Variants in ARID5B observed in about 807,000 individuals in gnomAD.
ARID5B encodes the protein AT-rich interaction domain 5B.
In ARID5B, 13 loss-of-function variants were observed where a neutral mutation model predicts 97.2. The ratio of observed to expected loss-of-function variants is 0.13; its 90% CI spans 0.09 to 0.21. The LOEUF (loss-of-function observed/expected upper bound fraction) is 0.21, where lower values mean the gene tolerates loss of function less well. ARID5B is among the 10% of genes least tolerant of loss of function. The pLI is 1.00. For missense variants in ARID5B, 1,210 were observed against 1,465.3 expected, an observed-to-expected ratio of 0.83 and a Z score of 2.84; for synonymous variants, 556 against 570.3, an observed-to-expected ratio of 0.97 and a Z score of 0.36.
chr10:62,008,552 A>T lies in ARID5B; in HGVS notation c.733+8231A>T, dbSNP rs553160972. ...AGGAAAGGAATAATCACAAGCATTCAAAATCTGAAACCCACTGGACTGGAA... is the reference window on the plus strand; with the variant it reads ...AGGAAAGGAATAATCACAAGCATTCTAAATCTGAAACCCACTGGACTGGAA... On this transcript the variant is annotated intron_variant, in intron 4 of 9. Transcript: ENST00000279873. 5.9e-5 allele frequency among the ~76,000 whole-genome samples: 9 copies of T among 152,370 alleles called. No homozygotes were observed. In the East Asian group the frequency reaches 1.7e-3, roughly 29 times the overall value.
chr10:62,036,517 A>C (rs1839566304), intron 4 of ARID5B, among the ~76,000 whole-genome samples: 1 of 152,196 alleles, frequency 6.6e-6, no homozygotes, highest in South Asian at 2.1e-4. Flanking sequence ...AGTATGGTGC[A>C]CAGAAGTCCT....
chr10:61,948,946 C>T (rs1412817778), intron 3 of ARID5B, among the ~76,000 whole-genome samples: 1 of 152,172 alleles, frequency 6.6e-6, no homozygotes, highest in African/African-American at 2.4e-5. Context: ...GTTTAGGTAC[C>T]TATTTTTTTG....
At chr10:61,970,592 T>C (rs192748959) in intron 3 of ARID5B, among the ~76,000 whole-genome samples, 234 of 152,296 alleles carry the variant, frequency 1.5e-3, no homozygotes, top group Non-Finnish European at 1.1e-3. Context: ...TCAGTTTAAT[T>C]AAATGGAAAC....
chr10:61,911,708 T>C (rs1273432179), intron 2 of ARID5B, among the ~76,000 whole-genome samples: 1 of 152,172 alleles, frequency 6.6e-6, no homozygotes, highest in African/African-American at 2.4e-5. Flanking sequence ...AGGCCATACA[T>C]TGTGCCTTAT....
At chr10:62,068,172 A>G (rs1163744175) in intron 7 of ARID5B, among the ~76,000 whole-genome samples, 2 of 152,194 alleles carry the variant, frequency 1.3e-5, no homozygotes, top group East Asian at 3.8e-4. Context: ...TAATTATCAA[A>G]ATACATATTT....
At chr10:61,940,124 A>C in intron 2 of ARID5B, 59 bp from the exon 3 acceptor site, 13 of 1,505,550 alleles carry the variant, frequency 8.6e-6, no homozygotes, top group African/African-American at 1.4e-5. Flanking sequence ...TGGAGAGTGG[A>C]TCATTTCCCT....
intron 4 of ARID5B, among the ~76,000 whole-genome samples, chr10:62,010,899 C>A (rs10995004): frequency 0.024 from 3,631 of 152,142 alleles, 209 homozygotes; most frequent in Admixed American, 0.14. Flanking sequence ...GCATACAGGG[C>A]GTTGTCAGGT....
chr10:61,920,986 G>A (rs1178118488), intron 2 of ARID5B, among the ~76,000 whole-genome samples: 1 of 152,182 alleles, frequency 6.6e-6, no homozygotes, highest in African/African-American at 2.4e-5. Context: ...CTCTCATACA[G>A]GCAGTTGATT....
At chr10:62,011,087 G>A (rs1303961262) in intron 4 of ARID5B, among the ~76,000 whole-genome samples, 1 of 152,216 alleles carries the variant, frequency 6.6e-6, no homozygotes, top group Non-Finnish European at 1.5e-5. Context: ...CTGGCTTACT[G>A]CATATGATTG....
intron 8 of ARID5B, among the ~76,000 whole-genome samples, chr10:62,075,666 C>A (rs1840121632): frequency 6.6e-6 from 1 of 152,220 alleles, no homozygotes; most frequent in Non-Finnish European, 1.5e-5. Flanking sequence ...AACCAAGCCT[C>A]AGAGCGTCAG....
chr10:61,929,198 T>G (rs1426200920), intron 2 of ARID5B, among the ~76,000 whole-genome samples: 2 of 152,212 alleles, frequency 1.3e-5, no homozygotes, highest in Non-Finnish European at 2.9e-5. Flanking sequence ...GTGTCACAAT[T>G]TATTTAGCTA....
chr10:62,069,945 AT>A, intron 8 of ARID5B, 148 bp downstream of exon 8: 2 of 687,356 alleles, frequency 2.9e-6, no homozygotes, highest in Non-Finnish European at 4.8e-6. Context: ...CCGCCTTGTG[AT>A]TTTTAGGGAA....
At chr10:62,077,291 G>C (rs1840150525) in intron 8 of ARID5B, among the ~76,000 whole-genome samples, 1 of 151,942 alleles carries the variant, frequency 6.6e-6, no homozygotes. Context: ...TTTTAGAAAG[G>C]AAAACAAAAC....
chr10:62,057,230 T>C lies in ARID5B; in HGVS notation c.960T>C (p.Asp320=). 2 of 1,613,858 alleles carry C rather than the reference T, an allele frequency of 1.2e-6. No individual in the cohort carries two copies. Among genetic ancestry groups the C allele is most frequent in the Non-Finnish European group, 1.7e-6 (2 of 1,179,810 alleles). Residue 320 remains aspartate (D), a synonymous_variant, in exon 6 of 10, where the codon GAT becomes GAC. Transcript: ENST00000279873. ...KVAIGEECRA[D]EQAFLVALYK... ...CCATTGGTGAAGAGTGCAGGGCAGA[T>C]GAACAAGCCTTCTTGGTGGCACTTT...
rs7901490 is a variant in ARID5B, at chr10:61,905,939, C to G, written c.276+3526C>G. On this transcript the variant is annotated intron_variant, in intron 2 of 9. Transcript: ENST00000279873. The stretch of plus-strand genomic sequence containing the variant: ...TACACCAATGCCTTCATATATAATA[C>G]TTCCAGTGTTCGCAACTGGTGTTGA... Among the ~76,000 whole-genome samples, 1,401 of 152,276 alleles carry G rather than the reference C, an allele frequency of 9.2e-3. 29 individuals are homozygous for G. The highest frequency in any genetic ancestry group is 0.032 in the African/African-American group (1,324 of 41,554).
chr10:61,943,469 G>GCC (rs1300809393), intron 3 of ARID5B, among the ~76,000 whole-genome samples: 1 of 89,746 alleles, frequency 1.1e-5, no homozygotes, highest in South Asian at 2.5e-4. Flanking sequence ...GATTATTTGA[G>GCC]GCCCCCCCCC....
intron 4 of ARID5B, among the ~76,000 whole-genome samples, chr10:62,003,317 T>TG (rs1015017372): frequency 6.6e-6 from 1 of 151,990 alleles, no homozygotes; most frequent in African/African-American, 2.4e-5. Context: ...AAAGCAAGTG[T>TG]GGTAGGAATT....
chr10:62,020,744 CAGAGA>C (rs1839344526), intron 4 of ARID5B, among the ~76,000 whole-genome samples: 1 of 151,890 alleles, frequency 6.6e-6, no homozygotes, highest in Non-Finnish European at 1.5e-5. Flanking sequence ...AAGCCAACGC[CAGAGA>C]AGAGAATTAA....
chr10:62,045,992 T>C (rs948928812), intron 4 of ARID5B, among the ~76,000 whole-genome samples: 1 of 152,194 alleles, frequency 6.6e-6, no homozygotes, highest in Admixed American at 6.5e-5. Context: ...TGTGCTGGTT[T>C]TCCATTCCCC....
Sources: gnomAD v4.1 joint callset for allele counts (sites outside exome capture counted in the v4.1 genomes callset) on GRCh38, gnomAD v4.1.1 for gene constraint, MANE v1.5 for transcripts, NCBI Gene and HGNC (gene_info 2026-07-23, HGNC 2026-07-21) for gene names.